The following SS18L1 variants were observed in gnomAD, a reference collection of about 807,000 sequenced individuals.
SS18L1 encodes calcium-responsive transactivator.
Under a neutral mutation model 70.3 loss-of-function variants are expected in SS18L1, and 32 were observed. The observed-to-expected ratio is 0.46, with a 90% CI of 0.34 to 0.61. The LOEUF is 0.61. Among genes scored for constraint, SS18L1 ranks in the 20% least tolerant of loss-of-function variants. The pLI is 0.01. For missense variants in SS18L1, 430 were observed against 542.1 expected, an observed-to-expected ratio of 0.79 and a Z score of 2.05; for synonymous variants, 237 against 229.7, an observed-to-expected ratio of 1.03 and a Z score of -0.29.
chr20:62,154,062 C>A (rs568385580), intron 1 of SS18L1, among the ~76,000 whole-genome samples: 5 of 152,324 alleles, frequency 3.3e-5, no homozygotes, highest in Non-Finnish European at 7.3e-5. Context: ...AATGCTTGAA[C>A]GTGACTTTGC....
rs559187861 is a variant in SS18L1, at chr20:62,163,074, G to A, written c.556+143G>A. ...AGGGGCCCGTGAATCGGGGCTGGCC[G>A]CTGCCTCTGAGAGCTTCCGGAGGGA... On this transcript the variant is annotated intron_variant, in intron 5 of 10. Coordinates refer to ENST00000331758, the MANE Select transcript of SS18L1 (RefSeq NM_198935.3). 8.6e-4 allele frequency: 991 copies of A among 1,149,490 alleles called. 1 individual carries two copies. Among genetic ancestry groups the A allele is most frequent in the South Asian group, 2.2e-3 (149 of 67,032 alleles). 71.2% of individuals were successfully genotyped at this position (1,149,490 alleles called of 1,614,324 possible).
intron 1 of SS18L1, among the ~76,000 whole-genome samples, chr20:62,157,441 CAGG>C (rs1568744436): frequency 1.3e-5 from 2 of 152,242 alleles, no homozygotes; most frequent in African/African-American, 4.8e-5. Context: ...AGGTCAGAGA[CAGG>C]CTGAGCCCCT....
rs2057716702 is a variant in SS18L1, at chr20:62,181,915, C to G, written c.*2707C>G. The stretch of plus-strand genomic sequence containing the variant: ...ATGAAAATTGACGCTCATTCTTCTT[C>G]CTATTGTTCCCTGACATCCAGCAAA... On this transcript the variant is annotated 3_prime_UTR_variant, in exon 11 of 11. Transcript: ENST00000331758. 4.4e-6 allele frequency: 1 copy of G among 228,360 alleles called. No individual in the cohort carries two copies. Among genetic ancestry groups the G allele is most frequent in the Non-Finnish European group, 8.7e-6 (1 of 115,176 alleles). 14.1% of individuals were successfully genotyped at this position (228,360 alleles called of 1,614,324 possible).
In SS18L1 at chr20:62,181,496, T is replaced by G. The variant is rs2057708559; in HGVS notation, c.*2288T>G. The G allele has an allele frequency of 4.7e-6, 1 of 213,180 alleles. No homozygotes were observed. Among genetic ancestry groups the G allele is most frequent in the Admixed American group, 5.9e-5 (1 of 17,058 alleles). 13.2% of individuals were successfully genotyped at this position (213,180 alleles called of 1,614,324 possible). A position where few individuals can be genotyped will look rare whatever the true frequency, so the allele number is the denominator to read the frequency against. On this transcript the variant is annotated 3_prime_UTR_variant, in exon 11 of 11. Transcript: ENST00000331758. ...TTGTGTGTTTGTGTGTTTTTTTAAG[T>G]GCTGTATTAATAATACTTTCTGAAA...
At chr20:62,154,380 C>T (rs796272939) in intron 1 of SS18L1, 19 of 1,049,812 alleles carry the variant, frequency 1.8e-5, no homozygotes, top group South Asian at 4.6e-5. Context: ...TCCCCCTTCA[C>T]GCCTGGTTGC....
At chr20:62,145,797 C>A (rs2057014342) in intron 1 of SS18L1, among the ~76,000 whole-genome samples, 1 of 152,126 alleles carries the variant, frequency 6.6e-6, no homozygotes, top group African/African-American at 2.4e-5. Context: ...ATATATGTAC[C>A]CAGGGATCTT....
At chr20:62,169,441 C>T (rs2057491234) in intron 8 of SS18L1, among the ~76,000 whole-genome samples, 1 of 152,200 alleles carries the variant, frequency 6.6e-6, no homozygotes, top group African/African-American at 2.4e-5. Context: ...TCTGTATGTA[C>T]CTTTGAATCA....
chr20:62,166,649 G>A (rs2057436725), intron 8 of SS18L1, among the ~76,000 whole-genome samples: 1 of 151,836 alleles, frequency 6.6e-6, no homozygotes, highest in Admixed American at 6.6e-5. Context: ...AAGAGCCTAG[G>A]TGTTGTGGCT....
chr20:62,170,533 C>T (rs2057512244), intron 8 of SS18L1, among the ~76,000 whole-genome samples: 1 of 152,180 alleles, frequency 6.6e-6, no homozygotes, highest in Non-Finnish European at 1.5e-5. Context: ...CCCTGGAGTA[C>T]TTGCTGGTTG....
At chr20:62,165,162 G>C (rs2057404351) in intron 7 of SS18L1, among the ~76,000 whole-genome samples, 1 of 152,252 alleles carries the variant, frequency 6.6e-6, no homozygotes, top group Non-Finnish European at 1.5e-5. Flanking sequence ...CTGTGTGGCA[G>C]GCACTGAAAG....
intron 1 of SS18L1, among the ~76,000 whole-genome samples, chr20:62,151,188 G>C (rs1213158699): frequency 2.0e-5 from 3 of 152,070 alleles, no homozygotes; most frequent in African/African-American, 7.2e-5. Flanking sequence ...CCTACTCTCT[G>C]TGGGCTCTGG....
chr20:62,164,213 G>A lies in SS18L1; in HGVS notation c.790G>A (p.Ala264Thr), dbSNP rs369721048. 40 of 1,549,676 alleles carry A rather than the reference G, an allele frequency of 2.6e-5. No homozygotes were observed. Among genetic ancestry groups the A allele is most frequent in the South Asian group, 1.8e-4 (15 of 84,014 alleles). ...GEQYSHSQGA[A>T]EPMGQQYYPD... ...GCAGTACAGCCACAGCCAGGGCGCCGCGGAGCCCATGGGCCAGCAGTACTA... is the reference window on the plus strand; with the variant it reads ...GCAGTACAGCCACAGCCAGGGCGCCACGGAGCCCATGGGCCAGCAGTACTA... Residue 264 changes from alanine (A) to threonine (T), a missense_variant, in exon 7 of 11, where the codon GCG becomes ACG. Physicochemically the swap from Ala to Thr is moderately conservative, Grantham distance 58. Coordinates refer to ENST00000331758, the MANE Select transcript of SS18L1 (RefSeq NM_198935.3).
At chr20:62,163,699 C>G in intron 6 of SS18L1, 77 bp downstream of exon 6, 1 of 1,448,414 alleles carries the variant, frequency 6.9e-7, no homozygotes, top group Non-Finnish European at 9.1e-7. Context: ...GTGTGCTTCT[C>G]TTCGGGGAGC....
intron 1 of SS18L1, among the ~76,000 whole-genome samples, chr20:62,144,794 C>T (rs1465510813): frequency 3.3e-5 from 5 of 152,192 alleles, no homozygotes; most frequent in Admixed American, 3.3e-4. Context: ...TTAGCCATAC[C>T]CGTTTCAGTT....
chr20:62,173,912 G>C (rs2057574738), intron 9 of SS18L1, among the ~76,000 whole-genome samples: 1 of 152,012 alleles, frequency 6.6e-6, no homozygotes, highest in African/African-American at 2.4e-5. Context: ...TACTTGGGAG[G>C]CTGAGGCAGG....
chr20:62,159,084 C>A lies in SS18L1; in HGVS notation c.146+336C>A, dbSNP rs1442811463. 5.6e-6 allele frequency: 8 copies of A among 1,440,076 alleles called. No individual in the cohort carries two copies. The East Asian group carries it at 2.4e-4, about 43-fold the overall frequency. 89.2% of individuals were successfully genotyped at this position (1,440,076 alleles called of 1,614,324 possible). Reference sequence around the variant, plus strand: ...GAGAGTCCCTGGCACAGCTGCGAAGCATTGCTGCCAGAACTGGGGTAGTTC... The same window carrying A: ...GAGAGTCCCTGGCACAGCTGCGAAGAATTGCTGCCAGAACTGGGGTAGTTC... On this transcript the variant is annotated intron_variant, in intron 2 of 10. Coordinates refer to ENST00000331758, the MANE Select transcript of SS18L1 (RefSeq NM_198935.3). This position sits in a 1 kb window ranked among gnomAD's most constrained non-coding sequence, Gnocchi z 4.4.
Position 62,162,368 on chromosome 20 carries a change from C to T in SS18L1, c.377-384C>T, listed in dbSNP as rs536166884. Among the ~76,000 whole-genome samples, 41 of 152,182 alleles carry T rather than the reference C, an allele frequency of 2.7e-4. No homozygotes were observed. The East Asian group carries it at 7.7e-3, about 29-fold the overall frequency. On this transcript the variant is annotated intron_variant, in intron 4 of 10. Transcript: ENST00000331758. Reference sequence around the variant, plus strand: ...CAGGCTGGAGTGCAATGGGCATGATCTTGGCCCACTGCAACCTCCGCCTCC... The same window carrying T: ...CAGGCTGGAGTGCAATGGGCATGATTTTGGCCCACTGCAACCTCCGCCTCC...
intron 1 of SS18L1, among the ~76,000 whole-genome samples, chr20:62,150,297 G>C (rs2057103622): frequency 6.6e-6 from 1 of 152,268 alleles, no homozygotes; most frequent in Non-Finnish European, 1.5e-5. Flanking sequence ...GGACGGAGCA[G>C]CTCAGGCTGG....
chr20:62,173,775 G>A (rs1383262492), intron 9 of SS18L1, among the ~76,000 whole-genome samples: 1 of 152,108 alleles, frequency 6.6e-6, no homozygotes, highest in Non-Finnish European at 1.5e-5. Flanking sequence ...CAGCACTTTG[G>A]GAGGCTGAGG....
Sources: gnomAD v4.1 joint callset for allele counts (sites outside exome capture counted in the v4.1 genomes callset) on GRCh38, gnomAD v4.1.1 for gene constraint, Gnocchi (gnomAD v3.1) non-coding constraint, MANE v1.5 for transcripts, NCBI Gene and HGNC (gene_info 2026-07-23, HGNC 2026-07-21) for gene names.